Variants in SCRG1 observed in about 807,000 individuals in gnomAD.
SCRG1 encodes the protein scrapie-responsive protein 1.
In SCRG1, 3 loss-of-function variants were observed where a neutral mutation model predicts 7.7. The ratio of observed to expected loss-of-function variants is 0.39; its 90% confidence interval spans 0.18 to 1.01. SCRG1 has a LOEUF of 1.01. SCRG1 is among the 50% of genes least tolerant of loss of function. The probability of loss-of-function intolerance (pLI) is 0.36; values close to 1 mark genes in which losing one functional copy is unlikely to be tolerated. For missense variants in SCRG1, 110 were observed against 117.2 expected (o/e 0.94, Z 0.28); for synonymous variants, 46 against 41.2 (o/e 1.12, Z -0.44).
At chr4:173,415,812 C>A in the SCRG1 span, among the ~76,000 whole-genome samples, 1 of 152,288 alleles carries the variant, frequency 6.6e-6, no homozygotes, top group East Asian at 1.9e-4. Context: ...GGATTTAAAC[C>A]AGGCCTATCT....
the SCRG1 span, among the ~76,000 whole-genome samples, chr4:173,509,658 G>A: frequency 1.3e-5 from 2 of 152,090 alleles, no homozygotes; most frequent in African/African-American, 4.8e-5. The surrounding 1 kb of genome is among the most constrained non-coding windows in gnomAD (Gnocchi z 5.7). Flanking sequence ...CCGCTCCTGG[G>A]CCGCGCGGCT....
At chr4:173,485,103 T>A in the SCRG1 span, among the ~76,000 whole-genome samples, 9 of 39,010 alleles carry the variant, frequency 2.3e-4, no homozygotes, top group African/African-American at 8.4e-4. Flanking sequence ...TATTATATAT[T>A]ATATATTATA....
chr4:173,463,124 A>G, the SCRG1 span, among the ~76,000 whole-genome samples: 3 of 152,322 alleles, frequency 2.0e-5, no homozygotes, highest in East Asian at 5.8e-4. Flanking sequence ...TTGAATGTAA[A>G]TGGACTAATT....
chr4:173,419,935 C>G, the SCRG1 span: 1 of 755,688 alleles, frequency 1.3e-6, no homozygotes. Flanking sequence ...TGCAGACTAT[C>G]ATAGCCCCCT....
At chr4:173,500,197 C>T in the SCRG1 span, among the ~76,000 whole-genome samples, 66 of 152,292 alleles carry the variant, frequency 4.3e-4, no homozygotes, top group Non-Finnish European at 8.7e-4. Flanking sequence ...CAAAGCCCTG[C>T]GAAAACGCCC....
the SCRG1 span, among the ~76,000 whole-genome samples, chr4:173,483,730 CATATATATGATATATTATATGTG>C: frequency 0.11 from 162 of 1,442 alleles, 66 homozygotes; most frequent in African/African-American, 0.14. Flanking sequence ...TGTGATATAT[CATATATATGATATATTATATGTG>C]ATATATCATA....
the SCRG1 span, chr4:173,468,876 C>T: frequency 2.6e-5 from 4 of 152,190 alleles, no homozygotes; most frequent in African/African-American, 7.2e-5. Flanking sequence ...GTCTTATCCA[C>T]CTTTGTACTT....
the SCRG1 span, among the ~76,000 whole-genome samples, chr4:173,483,545 A>ATATTTAT: frequency 2.0e-3 from 65 of 33,206 alleles, 22 homozygotes; most frequent in South Asian, 4.6e-3. Flanking sequence ...ATGATATATA[A>ATATTTAT]TATATATTAT....
the SCRG1 span, among the ~76,000 whole-genome samples, chr4:173,499,652 C>T: frequency 2.6e-5 from 4 of 152,182 alleles, no homozygotes; most frequent in African/African-American, 9.7e-5. The surrounding 1 kb of genome is among the most constrained non-coding windows in gnomAD (Gnocchi z 4.1). Flanking sequence ...GGTCCCTACT[C>T]CCGCCCATCT....
chr4:173,488,015 C>A, the SCRG1 span, among the ~76,000 whole-genome samples: 9 of 151,986 alleles, frequency 5.9e-5, no homozygotes, highest in African/African-American at 7.2e-5. Flanking sequence ...GCATGAGAAT[C>A]GCTTGAGCCC....
chr4:173,391,479 G>A, intron 1 of SCRG1, 51 bp from the exon 2 acceptor site: 2 of 1,569,828 alleles, frequency 1.3e-6, no homozygotes, highest in Non-Finnish European at 8.7e-7. Flanking sequence ...TTTAAAGATA[G>A]AATTCATCTG....
At chr4:173,394,216 C>G (rs1739531566) in intron 1 of SCRG1, among the ~76,000 whole-genome samples, 1 of 151,700 alleles carries the variant, frequency 6.6e-6, no homozygotes, top group African/African-American at 2.4e-5. Flanking sequence ...CCTTGTCTTC[C>G]TTTGTGTTTT....
chr4:173,484,028 A>G, the SCRG1 span, among the ~76,000 whole-genome samples: 2 of 70,596 alleles, frequency 2.8e-5, no homozygotes, highest in Non-Finnish European at 4.7e-5. Flanking sequence ...ATATTATAAT[A>G]TACATATATA....
the SCRG1 span, among the ~76,000 whole-genome samples, chr4:173,474,017 T>TA: frequency 6.6e-6 from 1 of 151,976 alleles, no homozygotes; most frequent in Non-Finnish European, 1.5e-5. Flanking sequence ...CCATCTCTAC[T>TA]AAAAATACAA....
At chr4:173,432,251 T>C in the SCRG1 span, among the ~76,000 whole-genome samples, 2 of 144,132 alleles carry the variant, frequency 1.4e-5, no homozygotes, top group Non-Finnish European at 3.0e-5. Flanking sequence ...TTCTTCCTTC[T>C]TTCCTTCCTT....
chr4:173,417,121 CACAG>C, the SCRG1 span, among the ~76,000 whole-genome samples: 315 of 151,950 alleles, frequency 2.1e-3, 1 homozygote, highest in Middle Eastern at 0.01. Context: ...CACAGACACA[CACAG>C]ACAGAGAGAC....
the SCRG1 span, among the ~76,000 whole-genome samples, chr4:173,505,141 C>T: frequency 6.6e-6 from 1 of 152,138 alleles, no homozygotes; most frequent in African/African-American, 2.4e-5. This position sits in a 1 kb window ranked among gnomAD's most constrained non-coding sequence, Gnocchi z 4.4. Context: ...TTTAGAATTG[C>T]CCCCTTCACC....
the SCRG1 span, among the ~76,000 whole-genome samples, chr4:173,494,804 C>T: frequency 1.3e-5 from 2 of 152,356 alleles, no homozygotes; most frequent in South Asian, 4.1e-4. Flanking sequence ...GTGGATTCCA[C>T]ATTTAAGGCA....
At chr4:173,502,331 T>C in the SCRG1 span, among the ~76,000 whole-genome samples, 1 of 151,970 alleles carries the variant, frequency 6.6e-6, no homozygotes, top group Non-Finnish European at 1.5e-5. The surrounding 1 kb of genome is among the most constrained non-coding windows in gnomAD (Gnocchi z 4.6). Context: ...GTAGTTTGAC[T>C]CTGAAAGGGA....
Sources: gnomAD v4.1 joint callset for allele counts (sites outside exome capture counted in the v4.1 genomes callset) on GRCh38, gnomAD v4.1.1 for gene constraint, Gnocchi (gnomAD v3.1) non-coding constraint, MANE v1.5 for transcripts, NCBI Gene and HGNC (gene_info 2026-07-23, HGNC 2026-07-21) for gene names.